The following RABGAP1L variants were observed in gnomAD, a reference collection of about 807,000 sequenced individuals.
RABGAP1L encodes the protein RAB GTPase activating protein 1 like.
A neutral mutation model predicts 137.7 loss-of-function variants in RABGAP1L; 63 were observed. The observed-to-expected ratio is 0.46, with a 90% confidence interval of 0.37 to 0.56. The LOEUF (loss-of-function observed/expected upper bound fraction) is 0.56, where lower values mean the gene tolerates loss of function less well. Among genes scored for constraint, RABGAP1L ranks in the 20% least tolerant of loss-of-function variants. The pLI, the probability that RABGAP1L is intolerant of heterozygous loss-of-function variation, is 0.00. For missense variants in RABGAP1L, 1,095 were observed against 1,244.0 expected (o/e 0.88, Z 1.80); for synonymous variants, 431 against 433.7 (o/e 0.99, Z 0.08).
chr1:174,280,409 C>T (rs895243806), intron 10 of RABGAP1L, among the ~76,000 whole-genome samples: 1 of 152,148 alleles, frequency 6.6e-6, no homozygotes, highest in African/African-American at 2.4e-5. Flanking sequence ...ATTTAGACAC[C>T]TAGAACTTTT....
chr1:174,186,551 A>C (rs1273891259), intron 1 of RABGAP1L, among the ~76,000 whole-genome samples: 1 of 152,176 alleles, frequency 6.6e-6, no homozygotes, highest in African/African-American at 2.4e-5. Context: ...TTCTACACCA[A>C]CCTGTAGAAA....
intron 17 of RABGAP1L, among the ~76,000 whole-genome samples, chr1:174,746,569 T>G (rs1683881134): frequency 6.6e-6 from 1 of 152,206 alleles, no homozygotes; most frequent in South Asian, 2.1e-4. Context: ...AAAATTTACT[T>G]GCCTTTAAAT....
chr1:174,914,683 G>T (rs534191234), intron 19 of RABGAP1L, among the ~76,000 whole-genome samples: 1 of 151,928 alleles, frequency 6.6e-6, no homozygotes, highest in South Asian at 2.1e-4. Flanking sequence ...GCCTTATAAA[G>T]GTATAAGTTA....
At chr1:174,795,718 A>G (rs1421875453) in intron 18 of RABGAP1L, among the ~76,000 whole-genome samples, 1 of 152,126 alleles carries the variant, frequency 6.6e-6, no homozygotes, top group Non-Finnish European at 1.5e-5. Context: ...GGTGTGTGCC[A>G]CCATGATTAA....
At chr1:174,455,944 T>C (rs1349647251) in intron 13 of RABGAP1L, among the ~76,000 whole-genome samples, 1 of 152,106 alleles carries the variant, frequency 6.6e-6, no homozygotes, top group East Asian at 1.9e-4. Context: ...ACGACGTGTC[T>C]TGTGTGACAA....
intron 18 of RABGAP1L, among the ~76,000 whole-genome samples, chr1:174,788,496 T>A (rs1275914059): frequency 1.3e-5 from 2 of 152,184 alleles, no homozygotes; most frequent in Non-Finnish European, 2.9e-5. Flanking sequence ...CAGTCCAGGC[T>A]CTCATTTTCT....
chr1:174,541,514 C>A (rs1034490395), intron 13 of RABGAP1L, among the ~76,000 whole-genome samples: 21 of 152,122 alleles, frequency 1.4e-4, no homozygotes, highest in African/African-American at 4.8e-4. Context: ...GGTGGCTCAC[C>A]ACCTGTAATC....
intron 1 of RABGAP1L, among the ~76,000 whole-genome samples, chr1:174,177,823 C>G (rs1184480351): frequency 2.0e-5 from 3 of 152,168 alleles, no homozygotes; most frequent in Non-Finnish European, 4.4e-5. Flanking sequence ...GGTCTCTATT[C>G]TGTTCCATTG....
chr1:174,635,647 A>G (rs1039106984), intron 13 of RABGAP1L, among the ~76,000 whole-genome samples: 2 of 152,022 alleles, frequency 1.3e-5, no homozygotes, highest in Admixed American at 1.3e-4. Flanking sequence ...TTAAGGCTCT[A>G]TTTTAATTCA....
intron 13 of RABGAP1L, among the ~76,000 whole-genome samples, chr1:174,534,139 T>TGTGTGTGTGTGTGTGC (rs1337174423): frequency 2.4e-4 from 19 of 80,626 alleles, no homozygotes; most frequent in Non-Finnish European, 3.8e-4. Flanking sequence ...ACTCTGTGTG[T>TGTGTGTGTGTGTGTGC]GTGTGTGTGT....
At chr1:174,396,445 T>C (rs1383162411) in intron 13 of RABGAP1L, among the ~76,000 whole-genome samples, 1 of 152,064 alleles carries the variant, frequency 6.6e-6, no homozygotes, top group Non-Finnish European at 1.5e-5. Flanking sequence ...CTTTATAATA[T>C]CTATAATATA....
At chr1:174,305,434 G>T (rs538534776) in intron 11 of RABGAP1L, among the ~76,000 whole-genome samples, 61 of 152,088 alleles carry the variant, frequency 4.0e-4, no homozygotes, top group African/African-American at 1.4e-3. Flanking sequence ...CACCCAGGTT[G>T]GAGTGCAGTG....
chr1:174,214,242 A>G (rs188298260), intron 1 of RABGAP1L, among the ~76,000 whole-genome samples: 4 of 152,330 alleles, frequency 2.6e-5, no homozygotes, highest in East Asian at 1.9e-4. Context: ...CCCATTTACA[A>G]TAGCTACAAA....
At chr1:174,310,976 G>C (rs987192289) in intron 11 of RABGAP1L, among the ~76,000 whole-genome samples, 1 of 151,992 alleles carries the variant, frequency 6.6e-6, no homozygotes, top group Non-Finnish European at 1.5e-5. Context: ...CCTGTGTGCT[G>C]TCAAATACTA....
At chr1:174,436,463 G>A (rs1284552189) in intron 13 of RABGAP1L, among the ~76,000 whole-genome samples, 2 of 152,164 alleles carry the variant, frequency 1.3e-5, no homozygotes, top group African/African-American at 4.8e-5. Context: ...CTTTTGAGAA[G>A]TGTCTGTTCA....
At chr1:174,480,469 G>A (rs2149329063) in intron 13 of RABGAP1L, among the ~76,000 whole-genome samples, 1 of 152,318 alleles carries the variant, frequency 6.6e-6, no homozygotes, top group South Asian at 2.1e-4. Flanking sequence ...AAAGCAAACT[G>A]CAGTGCAATC....
intron 19 of RABGAP1L, among the ~76,000 whole-genome samples, chr1:174,936,971 A>ATTTTTTTTTTTTT (rs909397955): frequency 1.6e-4 from 16 of 101,522 alleles, no homozygotes; most frequent in African/African-American, 5.3e-4. Flanking sequence ...TATAAGATTA[A>ATTTTTTTTTTTTT]TTTTTTTTTT....
rs952352853 is a variant in RABGAP1L at position 174,874,365 on chromosome 1, A to G, written c.2340+62405A>G. 3 of 559,718 alleles carry G rather than the reference A, an allele frequency of 5.4e-6. No individual in the cohort carries two copies. The East Asian group carries it at 4.3e-4, about 81-fold the overall frequency. The allele number at this position is 559,718 out of a possible 1,614,324, so 34.7% of individuals were successfully genotyped here. On this transcript the variant is annotated intron_variant, in intron 19 of 25. Transcript: ENST00000681986. ...TCTCTCCCTCTCAATTTACATGACC[A>G]TGAGGAAACTGAAACCTAGCGAAGT...
rs61628461 is a variant in RABGAP1L at position 174,241,402 on chromosome 1, A to T, written c.543-81A>T. ...GTAAAACTATTTGTTCTTTTTTTTT[A>T]AAAAAAAAAACCTAACTGGAAATAT... On this transcript the variant is annotated intron_variant, in intron 4 of 25. Coordinates refer to ENST00000681986, the MANE Select transcript of RABGAP1L (RefSeq NM_001366446.1). 8,631 of 645,912 alleles carry T rather than the reference A, an allele frequency of 0.013. 175 individuals are homozygous for T. The highest frequency in any genetic ancestry group is 0.11 in the East Asian group (2,873 of 26,440). 40.0% of individuals were successfully genotyped at this position (645,912 alleles called of 1,614,324 possible).
Sources: gnomAD v4.1 joint callset for allele counts (sites outside exome capture counted in the v4.1 genomes callset) on GRCh38, gnomAD v4.1.1 for gene constraint, MANE v1.5 for transcripts, NCBI Gene and HGNC (gene_info 2026-07-23, HGNC 2026-07-21) for gene names.